ZNF503: variants seen among roughly 807,000 people sequenced by gnomAD.
ZNF503 encodes the protein zinc finger protein 503, also known as NocA-like zinc finger 2.
In ZNF503, 15 loss-of-function variants were observed where a neutral mutation model predicts 34.4. The observed-to-expected ratio is 0.44, with a 90% CI of 0.29 to 0.67. The LOEUF is 0.67. Ranked by LOEUF, ZNF503 falls within the 30% of genes least tolerant of loss-of-function variation. The probability of loss-of-function intolerance (pLI) is 0.13; values close to 1 mark genes in which losing one functional copy is unlikely to be tolerated. For missense variants in ZNF503, 1,007 were observed against 926.8 expected (o/e 1.09, Z -1.12); for synonymous variants, 580 against 456.8 (o/e 1.27, Z -3.44).
the ZNF503 span, among the ~76,000 whole-genome samples, chr10:75,282,138 T>A: frequency 6.6e-6 from 1 of 152,226 alleles, no homozygotes; most frequent in Non-Finnish European, 1.5e-5. Context: ...AAGGGCCCTC[T>A]GGCAGTCCCA....
chr10:75,296,949 G>A, the ZNF503 span, among the ~76,000 whole-genome samples: 6 of 152,038 alleles, frequency 3.9e-5, no homozygotes, highest in Non-Finnish European at 2.9e-5. Context: ...TGATTCCTAC[G>A]GGAGTCAGTT....
chr10:75,331,071 G>C, the ZNF503 span, among the ~76,000 whole-genome samples: 1 of 152,022 alleles, frequency 6.6e-6, no homozygotes, highest in Non-Finnish European at 1.5e-5. Flanking sequence ...TTTCTTCATT[G>C]ACCTATGTTG....
chr10:75,376,621 G>A, the ZNF503 span, among the ~76,000 whole-genome samples: 1 of 152,078 alleles, frequency 6.6e-6, no homozygotes, highest in East Asian at 1.9e-4. Context: ...TCCAGCCTGG[G>A]TGACAGAGGG....
the ZNF503 span, among the ~76,000 whole-genome samples, chr10:75,306,559 A>G: frequency 1.4e-4 from 21 of 152,138 alleles, no homozygotes; most frequent in African/African-American, 5.1e-4. Context: ...CATGATGTTG[A>G]ATTTGTGTAT....
the ZNF503 span, among the ~76,000 whole-genome samples, chr10:75,294,376 G>C: frequency 6.6e-6 from 1 of 152,216 alleles, no homozygotes. Context: ...GCCCAAAGAA[G>C]AGGGCGGACG....
the ZNF503 span, chr10:75,288,269 G>C: frequency 6.6e-6 from 1 of 152,402 alleles, no homozygotes; most frequent in African/African-American, 2.4e-5. Flanking sequence ...TGACCAAGGT[G>C]CACTGCCTAG....
At chr10:75,328,011 G>C in the ZNF503 span, among the ~76,000 whole-genome samples, 1 of 152,058 alleles carries the variant, frequency 6.6e-6, no homozygotes, top group East Asian at 1.9e-4. Context: ...TATCTTGTCA[G>C]ATAATAGTTT....
chr10:75,381,707 C>T, the ZNF503 span, among the ~76,000 whole-genome samples: 1 of 151,010 alleles, frequency 6.6e-6, no homozygotes, highest in Non-Finnish European at 1.5e-5. Flanking sequence ...CCTGGGCTGC[C>T]TCCAGATTTC....
the ZNF503 span, among the ~76,000 whole-genome samples, chr10:75,329,791 G>A: frequency 6.6e-6 from 1 of 152,132 alleles, no homozygotes; most frequent in Non-Finnish European, 1.5e-5. Flanking sequence ...TTTTCTATGT[G>A]TAAGATCATA....
the ZNF503 span, chr10:75,350,274 A>G: frequency 6.6e-6 from 1 of 152,208 alleles, no homozygotes; most frequent in Non-Finnish European, 1.5e-5. Flanking sequence ...AAAATTAAAC[A>G]TTGCAGATAA....
chr10:75,372,584 C>A, the ZNF503 span, among the ~76,000 whole-genome samples: 2 of 152,208 alleles, frequency 1.3e-5, no homozygotes, highest in Admixed American at 6.5e-5. Flanking sequence ...GCTGGGAAAT[C>A]TACTCAACCA....
chr10:75,310,790 C>T, the ZNF503 span, among the ~76,000 whole-genome samples: 1 of 152,170 alleles, frequency 6.6e-6, no homozygotes, highest in African/African-American at 2.4e-5. Context: ...AACTAGACTA[C>T]TACCTGCACC....
the ZNF503 span, among the ~76,000 whole-genome samples, chr10:75,329,399 TTCCTTC>T: frequency 2.4e-5 from 2 of 84,786 alleles, no homozygotes; most frequent in African/African-American, 9.0e-5. Flanking sequence ...CCTTCCTTCC[TTCCTTC>T]CTTCCTTCCT....
chr10:75,351,130 C>T, the ZNF503 span, among the ~76,000 whole-genome samples: 7 of 152,140 alleles, frequency 4.6e-5, no homozygotes, highest in African/African-American at 1.7e-4. Context: ...ACCTAGTATC[C>T]ATCAGAAGTC....
the ZNF503 span, among the ~76,000 whole-genome samples, chr10:75,319,846 A>G: frequency 1.4e-4 from 22 of 152,356 alleles, 2 homozygotes; most frequent in African/African-American, 5.3e-4. Flanking sequence ...ACTTAGATGA[A>G]ATGAATCAAT....
chr10:75,386,430 T>C, the ZNF503 span, among the ~76,000 whole-genome samples: 1 of 152,230 alleles, frequency 6.6e-6, no homozygotes, highest in East Asian at 1.9e-4. Context: ...CATAGCCCAA[T>C]ACCTGAGTCT....
the ZNF503 span, among the ~76,000 whole-genome samples, chr10:75,356,607 G>A: frequency 2.6e-5 from 4 of 152,234 alleles, no homozygotes; most frequent in Admixed American, 2.6e-4. Flanking sequence ...TGCTCAGGGT[G>A]TAAGAACATC....
rs761946619 is a variant in ZNF503, at chr10:75,400,177, G to A, written c.513C>T (p.Asp171=). 388 of 1,575,814 alleles carry A rather than the reference G, an allele frequency of 2.5e-4. No individual in the cohort carries two copies. Among genetic ancestry groups the A allele is most frequent in the Non-Finnish European group, 3.2e-4 (371 of 1,162,738 alleles). The change falls in exon 2 of 2, where the codon GAC becomes GAT. Residue 171 remains aspartate (D), a synonymous_variant. Transcript: ENST00000372524. ...PLKLSDIGVE[D]KSSFKPYSKP... is the part of the protein sequence containing the mutation. ...TGGAGTACGGCTTGAAACTCGACTT[G>A]TCCTCCACGCCGATGTCGCTCAGCT...
At chr10:75,389,729 CA>C in the ZNF503 span, among the ~76,000 whole-genome samples, 1 of 152,132 alleles carries the variant, frequency 6.6e-6, no homozygotes, top group Non-Finnish European at 1.5e-5. Context: ...GACTCCATCT[CA>C]AACAAACAAA....
Sources: allele counts gnomAD v4.1 joint callset (sites outside exome capture counted in the v4.1 genomes callset), GRCh38; gene constraint gnomAD v4.1.1; transcripts MANE v1.5; gene names NCBI Gene and HGNC (gene_info 2026-07-23, HGNC 2026-07-21).